Variants in ERICH1 observed in about 807,000 individuals in gnomAD.
ERICH1 encodes the protein glutamate rich 1, also known as glutamate-rich protein 1.
ERICH1 carries 56 observed loss-of-function variants against 39.6 expected under a neutral mutation model. That is an observed-to-expected ratio of 1.41 (90% CI 1.14 to 1.77). The LOEUF is 1.77. Ranked by LOEUF, ERICH1 falls within the 40% of genes most tolerant of loss-of-function variation. The probability of loss-of-function intolerance (pLI) is 0.00; values close to 1 mark genes in which losing one functional copy is unlikely to be tolerated. For synonymous variants in ERICH1, 313 were observed against 223.6 expected (o/e 1.40, Z -3.57); for missense variants, 826 against 575.4 (o/e 1.44, Z -4.45).
At chr8:642,566 G>A (rs537714722) in intron 3 of ERICH1, among the ~76,000 whole-genome samples, 4 of 151,796 alleles carry the variant, frequency 2.6e-5, no homozygotes, top group South Asian at 2.1e-4. Flanking sequence ...GGATGGTCTC[G>A]ATCTTCTGAC....
At chr8:710,816 T>C (rs960547815) in intron 2 of ERICH1, among the ~76,000 whole-genome samples, 2 of 152,258 alleles carry the variant, frequency 1.3e-5, no homozygotes, top group African/African-American at 4.8e-5. Context: ...TCGGCAGTTA[T>C]GAATAAAGCT....
chr8:658,388 G>T (rs796085930), intron 3 of ERICH1, among the ~76,000 whole-genome samples: 11 of 152,300 alleles, frequency 7.2e-5, no homozygotes, highest in African/African-American at 2.2e-4. Context: ...CCCGGAAGGG[G>T]GTGGAGACAC....
chr8:704,649 G>A (rs1259591267), intron 2 of ERICH1, among the ~76,000 whole-genome samples: 3 of 151,938 alleles, frequency 2.0e-5, no homozygotes, highest in Admixed American at 1.3e-4. Context: ...TTGGAAGGAC[G>A]GGGGTTGTAA....
rs150578314 is a variant in ERICH1, at chr8:711,159, G to A, written c.169+4702C>T. ...ATTTGCCATCTACATATTTTCCTTGGTGAGGTCCACATCTTTGGCCCATTT... is the reference window on the plus strand; with the variant it reads ...ATTTGCCATCTACATATTTTCCTTGATGAGGTCCACATCTTTGGCCCATTT... On this transcript the variant is annotated intron_variant, in intron 2 of 5. Coordinates refer to ENST00000262109, the MANE Select transcript of ERICH1 (RefSeq NM_207332.3). Among the ~76,000 whole-genome samples the A allele has an allele frequency of 5.3e-5, 8 of 152,298 alleles. No individual in the cohort carries two copies. In the East Asian group the frequency reaches 1.5e-3, roughly 29 times the overall value.
intron 2 of ERICH1, among the ~76,000 whole-genome samples, chr8:710,244 C>T (rs1174589061): frequency 3.3e-5 from 5 of 152,286 alleles, no homozygotes; most frequent in East Asian, 1.9e-4. Flanking sequence ...GCAGTTTCAC[C>T]GTCGTGCAAA....
intron 2 of ERICH1, among the ~76,000 whole-genome samples, chr8:708,411 G>C (rs1161288960): frequency 6.6e-6 from 1 of 152,112 alleles, no homozygotes; most frequent in Non-Finnish European, 1.5e-5. Context: ...TTCATCAACT[G>C]ATGAATGGAG....
intron 2 of ERICH1, among the ~76,000 whole-genome samples, chr8:705,336 C>G (rs568652211): frequency 6.6e-6 from 1 of 152,376 alleles, no homozygotes; most frequent in African/African-American, 2.4e-5. Flanking sequence ...ATGGCCCGTG[C>G]AGAAGTGACC....
Position 647,104 on chromosome 8 carries a change from G to A in ERICH1, c.976+21494C>T, listed in dbSNP as rs533552355. ...GAGGTAGCCTGTCCACGCAGGTGGC[G>A]GGAGTCATGCTCAGGCCCTTGGCGC... On this transcript the variant is annotated intron_variant, in intron 3 of 3. Transcript: ENST00000522706. 7.4e-5 allele frequency among the ~76,000 whole-genome samples: 5 copies of A among 67,384 alleles called. 2 individuals carry two copies. The East Asian group carries it at 1.5e-3, about 20-fold the overall frequency. 44.2% of individuals were successfully genotyped at this position (67,384 alleles called of 152,430 possible).
downstream of ERICH1, among the ~76,000 whole-genome samples, chr8:661,132 G>A (rs1563200578): frequency 2.0e-5 from 3 of 152,188 alleles, no homozygotes; most frequent in South Asian, 4.1e-4. Flanking sequence ...TTGGTGCGAG[G>A]CGGGGCAGAT....
chr8:729,574 C>T (rs974939167), intron 1 of ERICH1, among the ~76,000 whole-genome samples: 10 of 152,252 alleles, frequency 6.6e-5, no homozygotes, highest in Non-Finnish European at 1.2e-4. Context: ...ATGGGCTCTT[C>T]AGGTGATCTT....
At chr8:652,478 G>A (rs1372096722) in intron 3 of ERICH1, among the ~76,000 whole-genome samples, 3 of 152,216 alleles carry the variant, frequency 2.0e-5, no homozygotes, top group Non-Finnish European at 4.4e-5. Flanking sequence ...CACATAAAGT[G>A]ACCACGAGCT....
intron 3 of ERICH1, among the ~76,000 whole-genome samples, chr8:634,906 G>T (rs1408623183): frequency 1.3e-5 from 2 of 152,160 alleles, no homozygotes; most frequent in Admixed American, 6.5e-5. Context: ...GCAGCGTCCC[G>T]CAAGGACCTT....
intron 1 of ERICH1, among the ~76,000 whole-genome samples, chr8:716,416 G>C (rs1172175555): frequency 1.3e-5 from 2 of 152,246 alleles, no homozygotes; most frequent in Non-Finnish European, 2.9e-5. Context: ...CACAGTGCTT[G>C]GAGCCAGGTG....
intron 2 of ERICH1, among the ~76,000 whole-genome samples, chr8:705,880 AC>A (rs1813164743): frequency 6.6e-6 from 1 of 152,162 alleles, no homozygotes; most frequent in Non-Finnish European, 1.5e-5. Context: ...GATAATGCGG[AC>A]CCTGAAGATG....
At chr8:724,434 C>G (rs527656379) in intron 1 of ERICH1, among the ~76,000 whole-genome samples, 3 of 152,320 alleles carry the variant, frequency 2.0e-5, no homozygotes, top group African/African-American at 7.2e-5. Flanking sequence ...CCTTCACGGG[C>G]GGCTGCAATA....
At chr8:662,234 G>C (rs1801528607), downstream of ERICH1, among the ~76,000 whole-genome samples, 1 of 152,296 alleles carries the variant, frequency 6.6e-6, no homozygotes, top group African/African-American at 2.4e-5. Flanking sequence ...ACTTGCAGGG[G>C]ATGGAGAAGG....
intron 3 of ERICH1, among the ~76,000 whole-genome samples, chr8:637,153 C>T (rs991135190): frequency 1.3e-5 from 2 of 152,232 alleles, no homozygotes; most frequent in South Asian, 4.1e-4. Flanking sequence ...TTCTCTGGGC[C>T]CATCGGGGCT....
intron 3 of ERICH1, among the ~76,000 whole-genome samples, chr8:638,248 T>C (rs1242136844): frequency 6.6e-6 from 1 of 152,232 alleles, no homozygotes; most frequent in East Asian, 1.9e-4. Context: ...CCTCCCAGTG[T>C]CCTAAGACCT....
At chr8:655,044 C>T (rs1195630444) in intron 3 of ERICH1, among the ~76,000 whole-genome samples, 2 of 152,318 alleles carry the variant, frequency 1.3e-5, no homozygotes, top group East Asian at 3.9e-4. Context: ...GCCCAGCTCA[C>T]TACAGAAAGC....
Sources: allele counts gnomAD v4.1 joint callset (sites outside exome capture counted in the v4.1 genomes callset), GRCh38; gene constraint gnomAD v4.1.1; transcripts MANE v1.5; gene names NCBI Gene and HGNC (gene_info 2026-07-23, HGNC 2026-07-21).